FBXO42: variants seen among roughly 807,000 people sequenced by gnomAD.
FBXO42 encodes the protein F-box protein 42, also known as F-box only protein 42.
Under a neutral mutation model 71.7 loss-of-function variants are expected in FBXO42, and 12 were observed. The observed-to-expected ratio is 0.17, with a 90% CI of 0.11 to 0.27. The LOEUF is 0.27. Among genes scored for constraint, FBXO42 ranks in the 10% least tolerant of loss-of-function variants. The probability of loss-of-function intolerance (pLI) is 1.00; values close to 1 mark genes in which losing one functional copy is unlikely to be tolerated. For missense variants in FBXO42, 707 were observed against 911.9 expected (o/e 0.78, Z 2.89); for synonymous variants, 325 against 327.5 (o/e 0.99, Z 0.08).
chr1:16,337,585 AAAG>A (rs1472593762), intron 1 of FBXO42, among the ~76,000 whole-genome samples: 4 of 152,078 alleles, frequency 2.6e-5, no homozygotes, highest in Admixed American at 6.6e-5. Context: ...ACCATCCTCA[AAAG>A]AATAATAGGC....
At chr1:16,267,258 T>A (rs924751023) in intron 4 of FBXO42, among the ~76,000 whole-genome samples, 9 of 152,204 alleles carry the variant, frequency 5.9e-5, no homozygotes, top group Admixed American at 4.6e-4. Context: ...ATTGCATTTA[T>A]ATAAATGCCC....
rs554872474 is a variant in FBXO42 at position 16,251,220 on chromosome 1, T to A, written c.1604A>T (p.Asn535Ile). The A allele has an allele frequency of 5.6e-6, 9 of 1,614,150 alleles. No homozygotes were observed. In the South Asian group the frequency reaches 9.9e-5, roughly 18 times the overall value. Reference protein sequence around the residue: ...GSMRHPPEQTNGVHTPPHVAS... With the variant: ...GSMRHPPEQTIGVHTPPHVAS... ...CACGTGAGGTGGGGTATGCACACCA[T>A]TTGTCTGTTCAGGAGGGTGTCTCAT... is the stretch of plus-strand genomic sequence containing the variant. Residue 535 changes from asparagine (N) to isoleucine (I), a missense_variant, in exon 10 of 10, where the codon AAT (asparagine) becomes ATT (isoleucine). Physicochemically the swap from Asn to Ile is moderately radical, Grantham distance 149. Transcript: ENST00000375592. The surrounding 1 kb of genome is among the most constrained non-coding windows in gnomAD (Gnocchi z 4.5).
chr1:16,285,751 CTTCCCAGATGCCACA>C (rs2082015349), intron 4 of FBXO42, among the ~76,000 whole-genome samples: 1 of 152,198 alleles, frequency 6.6e-6, no homozygotes, highest in Non-Finnish European at 1.5e-5. Flanking sequence ...CATATGCTGG[CTTCCCAGATGCCACA>C]TTCTCCGATG....
chr1:16,259,362 T>C (rs992922462), intron 4 of FBXO42, among the ~76,000 whole-genome samples: 4 of 152,086 alleles, frequency 2.6e-5, no homozygotes, highest in Non-Finnish European at 5.9e-5. Context: ...AAAAAACAAA[T>C]AAACACATCA....
chr1:16,348,747 G>C (rs117535776), intron 1 of FBXO42, among the ~76,000 whole-genome samples: 10 of 152,062 alleles, frequency 6.6e-5, no homozygotes, highest in Non-Finnish European at 1.5e-4. Context: ...TCTCACTTAA[G>C]CGGTCAGCTT....
intron 3 of FBXO42, among the ~76,000 whole-genome samples, chr1:16,297,400 G>C (rs1422046122): frequency 2.6e-5 from 4 of 152,150 alleles, no homozygotes; most frequent in Non-Finnish European, 4.4e-5. Flanking sequence ...CAGTGGAAGG[G>C]TTAAATCCAA....
intron 7 of FBXO42, 30 bp from the exon 8 acceptor site, chr1:16,253,182 C>G (rs763058120): frequency 2.4e-5 from 38 of 1,602,008 alleles, no homozygotes; most frequent in Non-Finnish European, 3.2e-5. Context: ...GAAAATAAAC[C>G]TACAAAGACA....
chr1:16,281,953 G>A lies in FBXO42; in HGVS notation c.502+12830C>T, dbSNP rs532535106. 1.1e-4 allele frequency among the ~76,000 whole-genome samples: 16 copies of A among 151,892 alleles called. No individual in the cohort carries two copies. The East Asian group carries it at 2.1e-3, about 20-fold the overall frequency. On this transcript the variant is annotated intron_variant, in intron 4 of 9. Coordinates refer to ENST00000375592, the MANE Select transcript of FBXO42 (RefSeq NM_018994.3). ...AGTCACTTGACCTCAAGTGATCCTCGACTCCCAAAGTGCTGGGATTACAGG... is the reference window on the plus strand; with the variant it reads ...AGTCACTTGACCTCAAGTGATCCTCAACTCCCAAAGTGCTGGGATTACAGG...
At chr1:16,331,952 G>C (rs1201308568) in intron 1 of FBXO42, among the ~76,000 whole-genome samples, 2 of 152,122 alleles carry the variant, frequency 1.3e-5, no homozygotes, top group East Asian at 3.9e-4. Context: ...GGGAAGCTGA[G>C]GCAGGAGAAT....
intron 1 of FBXO42, among the ~76,000 whole-genome samples, chr1:16,333,545 C>T (rs2100614194): frequency 6.6e-6 from 1 of 151,630 alleles, no homozygotes; most frequent in East Asian, 1.9e-4. Context: ...CTGATGATTG[C>T]ACCACTGCAC....
At chr1:16,277,267 C>A (rs1261223211) in intron 4 of FBXO42, among the ~76,000 whole-genome samples, 4 of 152,202 alleles carry the variant, frequency 2.6e-5, no homozygotes, top group Non-Finnish European at 5.9e-5. Context: ...ATTTGGCATT[C>A]TCCTAACACA....
chr1:16,311,503 A>AAAT (rs1553153698), intron 2 of FBXO42, among the ~76,000 whole-genome samples: 32 of 65,548 alleles, frequency 4.9e-4, no homozygotes, highest in South Asian at 1.9e-3. Context: ...AAAAAAAAAA[A>AAAT]ATATATATAT....
intron 4 of FBXO42, among the ~76,000 whole-genome samples, chr1:16,268,837 G>A (rs1349568371): frequency 2.0e-5 from 3 of 151,450 alleles, no homozygotes; most frequent in East Asian, 2.0e-4. Context: ...AAAACAAAAT[G>A]AGCTGGGTGT....
rs1297244575 is a variant in FBXO42 at position 16,270,692 on chromosome 1, A to AG, written c.503-13934_503-13933insC. Among the ~76,000 whole-genome samples the AG allele has an allele frequency of 6.5e-4, 22 of 33,946 alleles. 3 individuals carry two copies. Among genetic ancestry groups the AG allele is most frequent in the Admixed American group, 1.6e-3 (4 of 2,428 alleles). 22.3% of individuals were successfully genotyped at this position (33,946 alleles called of 152,430 possible). ...TGTCTCTCAAAAAAAAAAAAAAAAA[A>AG]AAAAGAAAAGAAAAGAAAGAAGAAA... On this transcript the variant is annotated intron_variant, in intron 4 of 9. Coordinates refer to ENST00000375592, the MANE Select transcript of FBXO42 (RefSeq NM_018994.3).
rs544203824 is a variant in FBXO42 at position 16,259,403 on chromosome 1, TCTAGA to T, written c.503-2649_503-2645del. On this transcript the variant is annotated intron_variant, in intron 4 of 9. Coordinates refer to ENST00000375592, the MANE Select transcript of FBXO42 (RefSeq NM_018994.3). ...TTCAGCAAAATAGTAATGTAAACTC[TCTAGA>T]CTAGAATGTGGATTTGGATTTGAGA... Among the ~76,000 whole-genome samples, 59 of 152,204 alleles carry T rather than the reference TCTAGA, an allele frequency of 3.9e-4. No homozygotes were observed. The East Asian group carries it at 0.011, about 28-fold the overall frequency.
intron 5 of FBXO42, 56 bp from the exon 6 acceptor site, chr1:16,255,877 A>G: frequency 8.1e-7 from 1 of 1,241,538 alleles, no homozygotes; most frequent in Non-Finnish European, 1.1e-6. Context: ...CTTTATGTAA[A>G]AATAGTAAGT....
At chr1:16,285,077 C>A (rs181816379) in intron 4 of FBXO42, among the ~76,000 whole-genome samples, 1 of 151,292 alleles carries the variant, frequency 6.6e-6, no homozygotes. Context: ...ACCTAGTTGG[C>A]GGAGGCTGCA....
chr1:16,294,726 T>C, intron 4 of FBXO42, 57 bp downstream of exon 4: 1 of 1,583,318 alleles, frequency 6.3e-7, no homozygotes, highest in Non-Finnish European at 8.6e-7. Flanking sequence ...CAGGTAGAGT[T>C]TCCATGCCAA....
At chr1:16,283,660 C>T (rs1254723899) in intron 4 of FBXO42, among the ~76,000 whole-genome samples, 1 of 152,008 alleles carries the variant, frequency 6.6e-6, no homozygotes, top group African/African-American at 2.4e-5. Flanking sequence ...CCATGCCCAG[C>T]TACTTTTTGT....
Sources: gnomAD v4.1 joint callset for allele counts (sites outside exome capture counted in the v4.1 genomes callset) on GRCh38, gnomAD v4.1.1 for gene constraint, Gnocchi (gnomAD v3.1) non-coding constraint, MANE v1.5 for transcripts, NCBI Gene and HGNC (gene_info 2026-07-23, HGNC 2026-07-21) for gene names.